The following TNK1 variants were observed in gnomAD, a reference collection of about 807,000 sequenced individuals.
TNK1 encodes the protein tyrosine kinase non receptor 1, also known as non-receptor tyrosine-protein kinase TNK1.
Under a neutral mutation model 65.2 loss-of-function variants are expected in TNK1, and 53 were observed. The ratio of observed to expected loss-of-function variants is 0.81; its 90% confidence interval spans 0.65 to 1.02. The LOEUF is 1.02. Among genes scored for constraint, TNK1 ranks in the 50% least tolerant of loss-of-function variants. The pLI is 0.00. For missense variants in TNK1, 837 were observed against 878.4 expected (o/e 0.95, Z 0.60); for synonymous variants, 353 against 364.6 (o/e 0.97, Z 0.36).
rs1905076664 is a variant in TNK1, at chr17:7,384,652, T to C, written c.1035T>C (p.Pro345=). The change falls in exon 7 of 13, where the codon CCT becomes CCC. Residue 345 remains proline (P), a synonymous_variant. Coordinates refer to ENST00000688331, the MANE Select transcript of TNK1 (RefSeq NM_003985.6). ...AGGACAGAGCCCGGCTGCCTAGGCC[T>C]CCCCTCTGCTCCAGGGCCCTCTACT... ...RLEDRARLPR[P]PLCSRALYSL... 1.2e-6 allele frequency: 2 copies of C among 1,606,200 alleles called. No homozygotes were observed. Among genetic ancestry groups the C allele is most frequent in the South Asian group, 1.1e-5 (1 of 89,464 alleles).
chr17:7,385,238 G>C (rs1381745792), intron 7 of TNK1, among the ~76,000 whole-genome samples: 1 of 151,896 alleles, frequency 6.6e-6, no homozygotes, highest in Non-Finnish European at 1.5e-5. Flanking sequence ...GGTGGTGCAT[G>C]CCTGTAATCC....
Position 7,384,768 on chromosome 17 carries a change from AC to A in TNK1, c.1137+16del, listed in dbSNP as rs1334467561. On this transcript the variant is annotated intron_variant, in intron 7 of 12. Transcript: ENST00000688331. ...CTGCTGCAAGAGGTGGGAACCCCCG[AC>A]CTCACCAGATACACAGTCCCTCTTC... 1 of 1,560,946 alleles carries A rather than the reference AC, an allele frequency of 6.4e-7. No homozygotes were observed. The highest frequency in any genetic ancestry group is 1.2e-5 in the South Asian group (1 of 85,334).
intron 3 of TNK1, 47 bp from the exon 4 acceptor site, chr17:7,383,378 A>C: frequency 9.3e-6 from 15 of 1,613,700 alleles, no homozygotes; most frequent in Non-Finnish European, 1.3e-5. Context: ...AGGGGCAGGG[A>C]GGGGGGCGCA....
At position 7,389,339 on chromosome 17, in the gene TNK1, C is replaced by G. The variant is rs546933416; in HGVS notation, c.*255C>G. 5 of 542,562 alleles carry G rather than the reference C, an allele frequency of 9.2e-6. No homozygotes were observed. The highest frequency in any genetic ancestry group is 1.6e-5 in the Non-Finnish European group (5 of 305,136). The allele number at this position is 542,562 out of a possible 1,614,324, so 33.6% of individuals were successfully genotyped here. ...GGCCAAGAAGGATCTAGTCTGCCCA[C>G]TACATTCTCAAACAAGAGGACTTGG... On this transcript the variant is annotated 3_prime_UTR_variant, in exon 13 of 13. Coordinates refer to ENST00000688331, the MANE Select transcript of TNK1 (RefSeq NM_003985.6).
chr17:7,381,997 G>A (rs1904843141), intron 1 of TNK1, among the ~76,000 whole-genome samples: 1 of 152,252 alleles, frequency 6.6e-6, no homozygotes, highest in East Asian at 1.9e-4. Context: ...GCCGGGCGCA[G>A]TGGCTCACGC....
chr17:7,381,647 G>A (rs1161606801), intron 1 of TNK1, among the ~76,000 whole-genome samples: 1 of 152,210 alleles, frequency 6.6e-6, no homozygotes, highest in Non-Finnish European at 1.5e-5. Context: ...CCTAAGCCTA[G>A]CGGCCATCAC....
Position 7,388,463 on chromosome 17 carries a change from G to T in TNK1, c.1535G>T (p.Gly512Val), listed in dbSNP as rs1422393371. Reference sequence around the variant, plus strand: ...CTCGGTCCTCGTCCCACAGGGGGTGGTTCAAGCCCCCCTGAAATTCGACAA... The same window carrying T: ...CTCGGTCCTCGTCCCACAGGGGGTGTTTCAAGCCCCCCTGAAATTCGACAA... ...LSLGPRPTGG[G>V]SSPPEIRQAR... Residue 512 changes from glycine (G) to valine (V), a missense_variant, in exon 11 of 13, where the codon GGT (glycine) becomes GTT (valine). Coordinates refer to ENST00000688331, the MANE Select transcript of TNK1 (RefSeq NM_003985.6). This position sits in a 1 kb window ranked among gnomAD's most constrained non-coding sequence, Gnocchi z 4.5. 1.2e-6 allele frequency: 2 copies of T among 1,613,880 alleles called. No individual in the cohort carries two copies. The highest frequency in any genetic ancestry group is 3.3e-5 in the Admixed American group (2 of 60,006).
rs1349110075 is a variant in TNK1, at chr17:7,384,737, G to C, written c.1120G>C (p.Glu374Gln). The change falls in exon 7 of 13, where the codon GAG becomes CAG. Residue 374 changes from glutamate (E) to glutamine (Q), a missense_variant. Coordinates refer to ENST00000688331, the MANE Select transcript of TNK1 (RefSeq NM_003985.6). ...CGACCGGCCTAGCTTTTCCCACCTG[G>C]AGGGGCTGCTGCAAGAGGTGGGAAC... ...PADRPSFSHL[E>Q]GLLQEAGPSE... The C allele has an allele frequency of 1.3e-6, 2 of 1,580,358 alleles. No homozygotes were observed. The highest frequency in any genetic ancestry group is 2.7e-5 in the African/African-American group (2 of 74,204).
chr17:7,389,188 G>A lies in TNK1; in HGVS notation c.*104G>A. ...CCAGAACAAGGTCCCGACAGGGGTA[G>A]ACGTTCCACCTGGGGAGATCCCACC... On this transcript the variant is annotated 3_prime_UTR_variant, in exon 13 of 13. Coordinates refer to ENST00000688331, the MANE Select transcript of TNK1 (RefSeq NM_003985.6). 1.1e-6 allele frequency: 1 copy of A among 935,900 alleles called. No homozygotes were observed. The highest frequency in any genetic ancestry group is 1.6e-6 in the Non-Finnish European group (1 of 620,982). 58.0% of individuals were successfully genotyped at this position (935,900 alleles called of 1,614,324 possible).
At chr17:7,384,456 C>T (rs1448987326) in intron 6 of TNK1, 28 bp from the exon 7 acceptor site, 1 of 1,501,762 alleles carries the variant, frequency 6.7e-7, no homozygotes, top group South Asian at 1.3e-5. Flanking sequence ...ACGTGTCCCG[C>T]CCCTTTCAGC....
At chr17:7,387,734 A>G (rs1418383673) in intron 10 of TNK1, among the ~76,000 whole-genome samples, 1 of 151,644 alleles carries the variant, frequency 6.6e-6, no homozygotes, top group African/African-American at 2.4e-5. Flanking sequence ...CCTCCCGAGT[A>G]GCTGGGACTA....
At position 7,381,983 on chromosome 17, in the gene TNK1, A is replaced by G. The variant is rs561449972; in HGVS notation, c.-91-853A>G. The stretch of plus-strand genomic sequence containing the variant: ...ATGTCTCAGCGTTAAGACGACATAT[A>G]TCGGCCGGGCGCAGTGGCTCACGCC... On this transcript the variant is annotated intron_variant, in intron 1 of 12. Transcript: ENST00000688331. 5.1e-4 allele frequency among the ~76,000 whole-genome samples: 77 copies of G among 152,324 alleles called. 1 individual carries two copies. The highest frequency in any genetic ancestry group is 1.8e-3 in the African/African-American group (74 of 41,570).
Position 7,389,400 on chromosome 17 carries a change from G to C in TNK1, c.*316G>C. 6.1e-6 allele frequency: 3 copies of C among 492,510 alleles called. No homozygotes were observed. The highest frequency in any genetic ancestry group is 1.1e-5 in the Non-Finnish European group (3 of 279,844). The allele number at this position is 492,510 out of a possible 1,614,324, so 30.5% of individuals were successfully genotyped here. A position where few individuals can be genotyped will look rare whatever the true frequency, so the allele number is the denominator to read the frequency against. On this transcript the variant is annotated 3_prime_UTR_variant, in exon 13 of 13. Coordinates refer to ENST00000688331, the MANE Select transcript of TNK1 (RefSeq NM_003985.6). ...CTGCTATACATCATATGCAGAGGAAGCTTCTACGCGCTAGAGAGGATCAAG... is the reference window on the plus strand; with the variant it reads ...CTGCTATACATCATATGCAGAGGAACCTTCTACGCGCTAGAGAGGATCAAG...
chr17:7,382,522 G>A lies in TNK1; in HGVS notation c.-91-314G>A, dbSNP rs987054929. ...GAGGAAGGGAGATGTCGTCTCAGGT[G>A]TGTATGAGTGAGTTTGTGCCACTGC... is the stretch of plus-strand genomic sequence containing the variant. On this transcript the variant is annotated intron_variant, in intron 1 of 12. Transcript: ENST00000688331. The surrounding 1 kb of genome is among the most constrained non-coding windows in gnomAD (Gnocchi z 4.1). Among the ~76,000 whole-genome samples, 3 of 152,168 alleles carry A rather than the reference G, an allele frequency of 2.0e-5. No homozygotes were observed. In the East Asian group the frequency reaches 5.8e-4, roughly 29 times the overall value.
At position 7,387,017 on chromosome 17, in the gene TNK1, G is replaced by A; in HGVS notation, c.1260G>A (p.Gln420=). 1 of 1,590,928 alleles carries A rather than the reference G, an allele frequency of 6.3e-7. No homozygotes were observed. Among genetic ancestry groups the A allele is most frequent in the Non-Finnish European group, 8.6e-7 (1 of 1,169,108 alleles). Residue 420 remains glutamine (Q), a synonymous_variant, in exon 9 of 13, where the codon CAG becomes CAA. Transcript: ENST00000688331. ...GSPDSTIWKG[Q]NGRTFKVGSF... ...CCGACTCCACAATCTGGAAGGGCCA[G>A]AATGGTCGCACCTTCAAAGTGGGCA...
At chr17:7,383,113 C>T (rs369202866) in intron 2 of TNK1, 24 bp downstream of exon 2, 9 of 1,613,576 alleles carry the variant, frequency 5.6e-6, no homozygotes, top group Middle Eastern at 1.6e-4. Flanking sequence ...GCCCCGAGGC[C>T]CTGGTCTCTC....
chr17:7,383,379 G>A (rs1407526880), intron 3 of TNK1, 46 bp from the exon 4 acceptor site: 1 of 1,612,388 alleles, frequency 6.2e-7, no homozygotes, highest in East Asian at 2.2e-5. Context: ...GGGGCAGGGA[G>A]GGGGGCGCAG....
intron 9 of TNK1, 108 bp downstream of exon 9, chr17:7,387,262 C>A (rs1905231987): frequency 1.3e-6 from 2 of 1,504,918 alleles, no homozygotes; most frequent in Admixed American, 4.3e-5. Flanking sequence ...AAGCTGCAGC[C>A]TCCACCCTGG....
At chr17:7,384,950 C>T (rs1299648048) in intron 7 of TNK1, among the ~76,000 whole-genome samples, 196 bp downstream of exon 7, 1 of 152,164 alleles carries the variant, frequency 6.6e-6, no homozygotes, top group Non-Finnish European at 1.5e-5. Flanking sequence ...CAGATGCAGA[C>T]TGAAAGGCTG....
Sources: allele counts gnomAD v4.1 joint callset (sites outside exome capture counted in the v4.1 genomes callset), GRCh38; gene constraint gnomAD v4.1.1; non-coding constraint Gnocchi (gnomAD v3.1); transcripts MANE v1.5; gene names NCBI Gene and HGNC (gene_info 2026-07-23, HGNC 2026-07-21).